Variants in DHTKD1 observed in about 807,000 individuals in gnomAD.
DHTKD1 encodes the protein dehydrogenase E1 and transketolase domain containing 1, also known as 2-oxoadipate dehydrogenase complex component E1.
Under a neutral mutation model 101.8 loss-of-function variants are expected in DHTKD1, and 78 were observed. The observed-to-expected ratio is 0.77, with a 90% confidence interval of 0.64 to 0.93. The LOEUF is 0.93. Ranked by LOEUF, DHTKD1 falls within the 40% of genes least tolerant of loss-of-function variation. DHTKD1 has a pLI of 0.00. For synonymous variants in DHTKD1, 462 were observed against 450.3 expected, an observed-to-expected ratio of 1.03 and a Z score of -0.33; for missense variants, 1,223 against 1,161.7, an observed-to-expected ratio of 1.05 and a Z score of -0.77.
At chr10:12,082,609 C>T (rs1229174182) in intron 2 of DHTKD1, among the ~76,000 whole-genome samples, 2 of 87,200 alleles carry the variant, frequency 2.3e-5, no homozygotes, top group Non-Finnish European at 5.4e-5. Context: ...AGTTTTCTCT[C>T]TTTTTTCTTT....
intron 1 of DHTKD1, among the ~76,000 whole-genome samples, chr10:12,078,191 G>T (rs527935583): frequency 1.1e-3 from 162 of 152,064 alleles, no homozygotes; most frequent in African/African-American, 3.8e-3. Context: ...TTGGGAGGCC[G>T]AGGCGGGTGG....
At chr10:12,109,404 T>G (rs762716608) in intron 12 of DHTKD1, among the ~76,000 whole-genome samples, 1 of 151,540 alleles carries the variant, frequency 6.6e-6, no homozygotes, top group Non-Finnish European at 1.5e-5. Flanking sequence ...GCAAAACTAC[T>G]AGTTGTTGAA....
chr10:12,112,199 A>C (rs965898349), intron 12 of DHTKD1, among the ~76,000 whole-genome samples: 2 of 152,110 alleles, frequency 1.3e-5, no homozygotes, highest in African/African-American at 2.4e-5. Flanking sequence ...CTGTAGTCCC[A>C]GCTACTTGGG....
Position 12,081,720 on chromosome 10 carries a change from C to A in DHTKD1, c.310+93C>A, listed in dbSNP as rs561180822. ...TGAAGAAGCAGCATCCCCACTGGAGCTGAGGCTCCCGCAGGTGTGAGGAGA... is the reference window on the plus strand; with the variant it reads ...TGAAGAAGCAGCATCCCCACTGGAGATGAGGCTCCCGCAGGTGTGAGGAGA... On this transcript the variant is annotated intron_variant, in intron 2 of 16. Coordinates refer to ENST00000263035, the MANE Select transcript of DHTKD1 (RefSeq NM_018706.7). 16 of 1,447,440 alleles carry A rather than the reference C, an allele frequency of 1.1e-5. No individual in the cohort carries two copies. In the East Asian group the frequency reaches 3.5e-4, roughly 31 times the overall value. 89.7% of individuals were successfully genotyped at this position (1,447,440 alleles called of 1,614,324 possible).
intron 7 of DHTKD1, among the ~76,000 whole-genome samples, chr10:12,097,342 G>A (rs1011368721): frequency 6.6e-6 from 1 of 151,772 alleles, no homozygotes; most frequent in Non-Finnish European, 1.5e-5. Context: ...GTGCCATCTC[G>A]GCTCACTGCA....
At chr10:12,109,317 T>C (rs1833294071) in intron 12 of DHTKD1, among the ~76,000 whole-genome samples, 1 of 151,978 alleles carries the variant, frequency 6.6e-6, no homozygotes, top group East Asian at 1.9e-4. Flanking sequence ...GATAGTTACA[T>C]TAATGATGAC....
chr10:12,069,684 CTTT>C lies in DHTKD1; in HGVS notation c.154+521_154+523del, dbSNP rs11292752. ...GACACAGAGGGATGACCACGCCCAG[CTTT>C]TTTTTTTTTTTTTTTTTTTTTTTCA... On this transcript the variant is annotated intron_variant, in intron 1 of 16. Transcript: ENST00000263035. 4.7e-4 allele frequency among the ~76,000 whole-genome samples: 12 copies of C among 25,484 alleles called. No individual in the cohort carries two copies. In the East Asian group the frequency reaches 5.9e-3, roughly 13 times the overall value. The allele number at this position is 25,484 out of a possible 152,430, so 16.7% of individuals were successfully genotyped here.
In DHTKD1 at chr10:12,089,051, C is replaced by A. The variant is rs766253070; in HGVS notation, c.783C>A (p.Val261=). Residue 261 remains valine, a synonymous_variant, in exon 5 of 17, where the codon GTC becomes GTA. Coordinates refer to ENST00000263035, the MANE Select transcript of DHTKD1 (RefSeq NM_018706.7). ...FPENFSATGD[V]LSHLTSSVDL... The stretch of plus-strand genomic sequence containing the variant: ...AGAATTTCTCAGCCACTGGAGACGT[C>A]CTGTCTCACCTGACCTCCTCTGTGG... 3 of 1,613,786 alleles carry A rather than the reference C, an allele frequency of 1.9e-6. No homozygotes were observed. The highest frequency in any genetic ancestry group is 2.7e-5 in the African/African-American group (2 of 74,926).
chr10:12,077,460 C>T (rs900599833), intron 1 of DHTKD1, among the ~76,000 whole-genome samples: 7 of 152,120 alleles, frequency 4.6e-5, no homozygotes, highest in African/African-American at 1.7e-4. Flanking sequence ...CTCCTGACCT[C>T]AGGTGATGAG....
chr10:12,081,664 G>A lies in DHTKD1; in HGVS notation c.310+37G>A, dbSNP rs1240823051. ...GCACAGCAGGCGGGAGCTCGGAGCT[G>A]CACACCAGGCCAGGCTCCTGCCTCT... On this transcript the variant is annotated intron_variant, in intron 2 of 16. Coordinates refer to ENST00000263035, the MANE Select transcript of DHTKD1 (RefSeq NM_018706.7). 8 of 1,611,420 alleles carry A rather than the reference G, an allele frequency of 5.0e-6. No homozygotes were observed. The Admixed American group carries it at 1.3e-4, about 27-fold the overall frequency.
chr10:12,105,016 T>G (rs2131618821), intron 10 of DHTKD1, among the ~76,000 whole-genome samples: 1 of 151,784 alleles, frequency 6.6e-6, no homozygotes, highest in East Asian at 2.0e-4. Flanking sequence ...TGCATCACCA[T>G]GCTCAGCTAA....
At chr10:12,085,095 A>G (rs1832877907) in intron 3 of DHTKD1, among the ~76,000 whole-genome samples, 1 of 152,090 alleles carries the variant, frequency 6.6e-6, no homozygotes, top group South Asian at 2.1e-4. Context: ...GGTCAGCCTC[A>G]CTGCCTATAA....
intron 1 of DHTKD1, among the ~76,000 whole-genome samples, chr10:12,079,264 T>A (rs9423859): frequency 0.99 from 151,226 of 152,228 alleles, 75,127 homozygotes; most frequent in East Asian, 1. Context: ...ATATTTAGAG[T>A]TGGGCAAAGA....
chr10:12,072,461 CAATAAATA>C (rs71382613), intron 1 of DHTKD1, among the ~76,000 whole-genome samples: 24,513 of 147,958 alleles, frequency 0.17, 2,344 homozygotes, highest in East Asian at 0.3. Context: ...GACTCTGTCT[CAATAAATA>C]AATAAATAAA....
At chr10:12,069,320 A>G (rs1036814561) in intron 1 of DHTKD1, 133 bp downstream of exon 1, 3 of 689,012 alleles carry the variant, frequency 4.4e-6, no homozygotes, top group African/African-American at 1.9e-5. Context: ...GAGGAGGGGG[A>G]GGTGAGGGGA....
intron 12 of DHTKD1, among the ~76,000 whole-genome samples, chr10:12,109,242 G>A (rs7911702): frequency 0.086 from 13,136 of 152,056 alleles, 697 homozygotes; most frequent in Non-Finnish European, 0.12. Context: ...TTTGGCATGC[G>A]TGCAGCTAAA....
In DHTKD1 at chr10:12,089,114, A is replaced by G. The variant is rs199630748; in HGVS notation, c.846A>G (p.Thr282=). 3.8e-5 allele frequency: 62 copies of G among 1,614,184 alleles called. 1 individual carries two copies. In the East Asian group the frequency reaches 1.4e-3, roughly 35 times the overall value. Residue 282 remains threonine, a synonymous_variant, in exon 5 of 17, where the codon ACA becomes ACG. Coordinates refer to ENST00000263035, the MANE Select transcript of DHTKD1 (RefSeq NM_018706.7). ...GGGCGCACCATCCCCTCCATGTGAC[A>G]ATGTTGCCCAATCCCTCGCACCTGG... The part of the protein sequence containing the change: ...YFGAHHPLHV[T]MLPNPSHLEA...
intron 14 of DHTKD1, 75 bp from the exon 15 acceptor site, chr10:12,118,672 GCA>G: frequency 7.8e-7 from 1 of 1,282,970 alleles, no homozygotes; most frequent in Admixed American, 2.8e-5. Flanking sequence ...GTGAGCTACT[GCA>G]CCTGGCCTCT....
At position 12,087,327 on chromosome 10, in the gene DHTKD1, T is replaced by A. The variant is rs1461082203; in HGVS notation, c.523-208T>A. Among the ~76,000 whole-genome samples the A allele has an allele frequency of 6.6e-6, 1 of 152,068 alleles. No individual in the cohort carries two copies. Among genetic ancestry groups the A allele is most frequent in the Non-Finnish European group, 1.5e-5 (1 of 68,014 alleles). ...AGTTATTCTGCCGCTCAGGTTATTC[T>A]CCTCAGCCCCTCCTACTGTCCCGGA... On this transcript the variant is annotated intron_variant, in intron 3 of 16. Transcript: ENST00000263035. This position sits in a 1 kb window ranked among gnomAD's most constrained non-coding sequence, Gnocchi z 5.2.
Sources: allele counts gnomAD v4.1 joint callset (sites outside exome capture counted in the v4.1 genomes callset), GRCh38; gene constraint gnomAD v4.1.1; non-coding constraint Gnocchi (gnomAD v3.1); transcripts MANE v1.5; gene names NCBI Gene and HGNC (gene_info 2026-07-23, HGNC 2026-07-21).